The following SDK2 variants were observed in gnomAD, a reference collection of about 807,000 sequenced individuals.
The protein encoded by SDK2 is protein sidekick-2.
Under a neutral mutation model 253.9 loss-of-function variants are expected in SDK2, and 105 were observed. That is an observed-to-expected ratio of 0.41 (90% CI 0.35 to 0.49). SDK2 has a LOEUF of 0.49. SDK2 is among the 20% of genes least tolerant of loss of function. SDK2 has a pLI of 0.06. For synonymous variants in SDK2, 1,249 were observed against 1,234.9 expected (o/e 1.01, Z -0.24); for missense variants, 2,608 against 3,003.0 (o/e 0.87, Z 3.07).
intron 21 of SDK2, 131 bp downstream of exon 21, chr17:73,400,889 A>T: frequency 3.6e-6 from 3 of 836,588 alleles, no homozygotes; most frequent in Non-Finnish European, 5.5e-6. Context: ...CTCAAGTGAT[A>T]CGCCTGCCTC....
chr17:73,350,458 CCT>C, intron 42 of SDK2, 83 bp from the exon 43 acceptor site: 5 of 1,522,184 alleles, frequency 3.3e-6, no homozygotes, highest in Non-Finnish European at 4.4e-6. Flanking sequence ...TGGGTTATCC[CCT>C]CTTTCTCTTG....
At chr17:73,513,218 G>T (rs1464556338) in intron 1 of SDK2, among the ~76,000 whole-genome samples, 2 of 150,796 alleles carry the variant, frequency 1.3e-5, no homozygotes, top group African/African-American at 4.8e-5. Flanking sequence ...CTGTTATCAC[G>T]GGCAAAGAGC....
chr17:73,575,459 T>C (rs1257821710), intron 1 of SDK2, among the ~76,000 whole-genome samples: 1 of 152,236 alleles, frequency 6.6e-6, no homozygotes, highest in East Asian at 1.9e-4. Context: ...AAAAGTGGCA[T>C]AGCAATGTGG....
chr17:73,380,282 G>A (rs2062819744), intron 34 of SDK2, among the ~76,000 whole-genome samples: 1 of 152,132 alleles, frequency 6.6e-6, no homozygotes, highest in Non-Finnish European at 1.5e-5. Context: ...GTTGACGGAG[G>A]AAGGAGGAAG....
intron 1 of SDK2, among the ~76,000 whole-genome samples, chr17:73,529,399 TGATTATTAAACAAGGCAGGCTAG>T (rs2064151846): frequency 1.3e-5 from 2 of 152,204 alleles, no homozygotes; most frequent in African/African-American, 4.8e-5. Flanking sequence ...AAGAGTGGAA[TGATTATTAAACAAGGCAGGCTAG>T]GATTATTAAC....
At chr17:73,552,615 C>T (rs1190013414) in intron 1 of SDK2, among the ~76,000 whole-genome samples, 2 of 152,108 alleles carry the variant, frequency 1.3e-5, no homozygotes, top group East Asian at 1.9e-4. Context: ...ACGAGCATCA[C>T]GCCCACTTGA....
intron 1 of SDK2, among the ~76,000 whole-genome samples, chr17:73,611,953 T>C (rs28411014): frequency 8.7e-4 from 132 of 152,184 alleles, no homozygotes; most frequent in African/African-American, 2.8e-3. Context: ...GACCCCAACG[T>C]GTGCTGATGG....
At chr17:73,554,095 T>C (rs2145841397) in intron 1 of SDK2, among the ~76,000 whole-genome samples, 2 of 152,250 alleles carry the variant, frequency 1.3e-5, no homozygotes, top group South Asian at 2.1e-4. Context: ...TCCCTTGTCC[T>C]CATCAACCCA....
At position 73,334,454 on chromosome 17, in the gene SDK2, T is replaced by G. The variant is rs1361108984; in HGVS notation, c.*4133A>C. 6.6e-6 allele frequency: 1 copy of G among 152,200 alleles called. No homozygotes were observed. Among genetic ancestry groups the G allele is most frequent in the Admixed American group, 6.5e-5 (1 of 15,278 alleles). 9.4% of individuals were successfully genotyped at this position (152,200 alleles called of 1,614,324 possible). The stretch of plus-strand genomic sequence containing the variant: ...ACACGGGACTTCTTGTGGTATATAT[T>G]TCAAATCAATTTCTTTCTTACCTTT... On this transcript the variant is annotated 3_prime_UTR_variant, in exon 45 of 45. Transcript: ENST00000392650.
At chr17:73,468,393 T>C (rs999466833) in intron 3 of SDK2, among the ~76,000 whole-genome samples, 33 of 152,148 alleles carry the variant, frequency 2.2e-4, no homozygotes, top group Non-Finnish European at 2.8e-4. Context: ...ATTTTAGGGA[T>C]GAAGAACCTG....
At chr17:73,430,190 A>G (rs2063315292) in intron 12 of SDK2, among the ~76,000 whole-genome samples, 1 of 152,004 alleles carries the variant, frequency 6.6e-6, no homozygotes, top group African/African-American at 2.4e-5. Context: ...CTTCCCTTCC[A>G]TGCTCACTAA....
intron 32 of SDK2, among the ~76,000 whole-genome samples, chr17:73,384,883 C>T (rs2062859631): frequency 6.6e-6 from 1 of 152,200 alleles, no homozygotes; most frequent in African/African-American, 2.4e-5. Context: ...TTTGTTAGCT[C>T]CTTAATGGTT....
chr17:73,352,890 G>C lies in SDK2; in HGVS notation c.5594-253C>G, dbSNP rs181510620. Among the ~76,000 whole-genome samples, 1 of 152,162 alleles carries C rather than the reference G, an allele frequency of 6.6e-6. No individual in the cohort carries two copies. The highest frequency in any genetic ancestry group is 2.4e-5 in the African/African-American group (1 of 41,440). On this transcript the variant is annotated intron_variant, in intron 40 of 44. Coordinates refer to ENST00000392650, the MANE Select transcript of SDK2 (RefSeq NM_001144952.2). This position sits in a 1 kb window ranked among gnomAD's most constrained non-coding sequence, Gnocchi z 4.1. ...GTGGATCACCTGAGGTTAGGAGTTC[G>C]AGACCAGCCTAGCCAACATGGTGAA... is the stretch of plus-strand genomic sequence containing the variant.
At chr17:73,589,616 TCAGA>T (rs1425626823) in intron 1 of SDK2, among the ~76,000 whole-genome samples, 2 of 152,168 alleles carry the variant, frequency 1.3e-5, no homozygotes, top group African/African-American at 4.8e-5. Flanking sequence ...AAGGGGAAGC[TCAGA>T]CAGGCACTCT....
Position 73,398,074 on chromosome 17 carries a change from C to G in SDK2, c.3315G>C (p.Leu1105=). The G allele has an allele frequency of 2.5e-6, 4 of 1,613,400 alleles. No homozygotes were observed. The highest frequency in any genetic ancestry group is 3.4e-6 in the Non-Finnish European group (4 of 1,179,890). ...ACAGGCTGGTCTCACTGGCTGTGCG[C>G]AGAGACACATTGGCTGGGGCCATGT... ...PPDMAPANVS[L]RTASETSLWL... Residue 1105 remains leucine (L), a synonymous_variant, in exon 24 of 45, where the codon CTG becomes CTC. Coordinates refer to ENST00000392650, the MANE Select transcript of SDK2 (RefSeq NM_001144952.2).
intron 5 of SDK2, among the ~76,000 whole-genome samples, chr17:73,441,836 C>T (rs1454923635): frequency 3.3e-5 from 5 of 152,118 alleles, no homozygotes; most frequent in Admixed American, 6.5e-5. Flanking sequence ...TGAGCTGTGT[C>T]CCCCACCCAT....
chr17:73,460,446 C>T (rs2063556069), intron 3 of SDK2, among the ~76,000 whole-genome samples: 1 of 152,184 alleles, frequency 6.6e-6, no homozygotes, highest in Non-Finnish European at 1.5e-5. Flanking sequence ...AATCTGTGAA[C>T]ATGATAAATG....
At position 73,483,557 on chromosome 17, in the gene SDK2, G is replaced by GTATATGTATATATATGTATGTGTATA. The variant is rs1412284011; in HGVS notation, c.225-11365_225-11340dup. Reference sequence around the variant, plus strand: ...TGTATGTATATATGTATGTATATGTGTATATGTATATATATGTATGTGTAT... The same window carrying GTATATGTATATATATGTATGTGTATA: ...TGTATGTATATATGTATGTATATGTGTATATGTATATATATGTATGTGTATATATATGTATATATATGTATGTGTAT... On this transcript the variant is annotated intron_variant, in intron 2 of 44. Transcript: ENST00000392650. Among the ~76,000 whole-genome samples the GTATATGTATATATATGTATGTGTATA allele has an allele frequency of 1.8e-3, 244 of 136,358 alleles. 3 individuals are homozygous for GTATATGTATATATATGTATGTGTATA. The highest frequency in any genetic ancestry group is 2.6e-3 in the Non-Finnish European group (165 of 64,088). The allele number at this position is 136,358 out of a possible 152,430, so 89.5% of individuals were successfully genotyped here.
At chr17:73,484,760 A>C (rs1270201908) in intron 2 of SDK2, among the ~76,000 whole-genome samples, 1 of 151,684 alleles carries the variant, frequency 6.6e-6, no homozygotes, top group African/African-American at 2.4e-5. Flanking sequence ...CAGCCACATC[A>C]CTCCAATCTC....
Sources: gnomAD v4.1 joint callset for allele counts (sites outside exome capture counted in the v4.1 genomes callset) on GRCh38, gnomAD v4.1.1 for gene constraint, Gnocchi (gnomAD v3.1) non-coding constraint, MANE v1.5 for transcripts, NCBI Gene and HGNC (gene_info 2026-07-23, HGNC 2026-07-21) for gene names.